TMEM14A: variants seen among roughly 807,000 people sequenced by gnomAD.
TMEM14A encodes transmembrane protein 14A.
TMEM14A carries 8 observed loss-of-function variants against 11.6 expected under a neutral mutation model. That is an observed-to-expected ratio of 0.69 (90% CI 0.40 to 1.24). TMEM14A has a LOEUF of 1.24. TMEM14A is among the 50% of genes most tolerant of loss of function. The pLI is 0.01. For synonymous variants in TMEM14A, 34 were observed against 45.5 expected, an observed-to-expected ratio of 0.75 and a Z score of 1.02; for missense variants, 108 against 121.9, an observed-to-expected ratio of 0.89 and a Z score of 0.54.
chr6:52,681,925 C>A lies in TMEM14A; in HGVS notation c.172+11C>A. ...TAAAAGTGTCACTGTGTAAGTAAGGCATTTTTCCTGGTTACAGAGACTCAA... is the reference window on the plus strand; with the variant it reads ...TAAAAGTGTCACTGTGTAAGTAAGGAATTTTTCCTGGTTACAGAGACTCAA... On this transcript the variant is annotated intron_variant, in intron 3 of 4. Transcript: ENST00000211314. 6.2e-7 allele frequency: 1 copy of A among 1,608,814 alleles called. No homozygotes were observed. The highest frequency in any genetic ancestry group is 8.5e-7 in the Non-Finnish European group (1 of 1,175,484).
intron 2 of TMEM14A, among the ~76,000 whole-genome samples, chr6:52,680,691 G>GTGTATA (rs758417981): frequency 1.1e-4 from 4 of 35,332 alleles, no homozygotes; most frequent in Admixed American, 2.9e-4. Context: ...ATACATATAT[G>GTGTATA]TATATATATA....
chr6:52,681,375 T>G (rs1769389603), intron 2 of TMEM14A, among the ~76,000 whole-genome samples: 1 of 152,204 alleles, frequency 6.6e-6, no homozygotes, highest in Non-Finnish European at 1.5e-5. Context: ...GTATAGCACT[T>G]CTGTCTTTAC....
chr6:52,684,658 A>G (rs1483587976), intron 4 of TMEM14A, among the ~76,000 whole-genome samples: 1 of 152,242 alleles, frequency 6.6e-6, no homozygotes, highest in Non-Finnish European at 1.5e-5. Context: ...TTGATCCAGT[A>G]ATTCTATCCA....
At chr6:52,680,593 T>TATATATATATA (rs1561874928) in intron 2 of TMEM14A, among the ~76,000 whole-genome samples, 1,506 of 96,416 alleles carry the variant, frequency 0.016, 62 homozygotes, top group Middle Eastern at 0.027. Context: ...ATTTATATAT[T>TATATATATATA]TATATATATA....
intron 2 of TMEM14A, among the ~76,000 whole-genome samples, chr6:52,677,806 G>GT (rs1769287469): frequency 2.0e-5 from 3 of 152,110 alleles, no homozygotes; most frequent in South Asian, 2.1e-4. Flanking sequence ...TTTAAATGAA[G>GT]TTTTTTATTT....
intron 2 of TMEM14A, among the ~76,000 whole-genome samples, chr6:52,678,471 T>C (rs1184422278): frequency 1.3e-5 from 2 of 152,154 alleles, no homozygotes; most frequent in African/African-American, 4.8e-5. Flanking sequence ...TTTCAAGGGC[T>C]TGTTGTCCAC....
chr6:52,683,485 A>ACAAC (rs199587577), intron 3 of TMEM14A, among the ~76,000 whole-genome samples: 5,039 of 86,672 alleles, frequency 0.058, 128 homozygotes, highest in African/African-American at 0.11. Flanking sequence ...AACAACAACA[A>ACAAC]AAAAAAAAAA....
chr6:52,681,819 T>G lies in TMEM14A; in HGVS notation c.77T>G (p.Val26Gly), dbSNP rs759852395. Reference sequence around the variant, plus strand: ...TATTTTTTTCCCCTTCCAGGTGGTGTTCCGTCTTTGATTGCTGGTCTTTTT... The same window carrying G: ...TATTTTTTTCCCCTTCCAGGTGGTGGTCCGTCTTTGATTGCTGGTCTTTTT... ...SIFGYKRRGGVPSLIAGLFVG... is the reference protein window; with the variant it reads ...SIFGYKRRGGGPSLIAGLFVG... The change falls in exon 3 of 5, where the codon GTT becomes GGT. Residue 26 changes from valine to glycine, a missense_variant. Coordinates refer to ENST00000211314, the MANE Select transcript of TMEM14A (RefSeq NM_014051.4). 1.2e-5 allele frequency: 19 copies of G among 1,614,090 alleles called. No homozygotes were observed. The highest frequency in any genetic ancestry group is 5.5e-5 in the South Asian group (5 of 91,068).
intron 2 of TMEM14A, among the ~76,000 whole-genome samples, chr6:52,677,846 G>A (rs1041618875): frequency 6.6e-6 from 1 of 152,118 alleles, no homozygotes; most frequent in Non-Finnish European, 1.5e-5. Flanking sequence ...GGCAGTGGTT[G>A]ACTTGAATTT....
In TMEM14A at chr6:52,686,140, TGGAATGC is replaced by T; in HGVS notation, c.*92_*98del. 7.8e-7 allele frequency: 1 copy of T among 1,285,754 alleles called. No individual in the cohort carries two copies. Among genetic ancestry groups the T allele is most frequent in the Non-Finnish European group, 1.1e-6 (1 of 928,212 alleles). The allele number at this position is 1,285,754 out of a possible 1,614,324, so 79.6% of individuals were successfully genotyped here. A position where few individuals can be genotyped will look rare whatever the true frequency, so the allele number is the denominator to read the frequency against. On this transcript the variant is annotated 3_prime_UTR_variant, in exon 5 of 5. Coordinates refer to ENST00000211314, the MANE Select transcript of TMEM14A (RefSeq NM_014051.4). ...TGTATTTAAAAGATAAACTTCAATA[TGGAATGC>T]TAGAAACACAAATAGCACTGTCACC...
chr6:52,681,780 T>C (rs1238701713), intron 2 of TMEM14A, 33 bp from the exon 3 acceptor site: 2 of 1,565,732 alleles, frequency 1.3e-6, no homozygotes, highest in Middle Eastern at 1.7e-4. Flanking sequence ...TTTGGGATTC[T>C]CTTTGTGATC....
chr6:52,683,672 C>T (rs1381321935), intron 3 of TMEM14A, among the ~76,000 whole-genome samples: 4 of 151,426 alleles, frequency 2.6e-5, no homozygotes, highest in Non-Finnish European at 4.4e-5. Context: ...AGTGCAGTGG[C>T]GTGATCTCAG....
intron 3 of TMEM14A, among the ~76,000 whole-genome samples, chr6:52,683,548 A>C (rs1304633176): frequency 1.3e-4 from 20 of 152,038 alleles, no homozygotes; most frequent in Admixed American, 1.3e-3. Context: ...ATGGATTTTA[A>C]CATGTTTGTT....
chr6:52,683,449 G>A, intron 3 of TMEM14A, among the ~76,000 whole-genome samples: 1 of 144,086 alleles, frequency 6.9e-6, no homozygotes. Context: ...GACAGAGCAA[G>A]ACTCTGTCTC....
intron 1 of TMEM14A, among the ~76,000 whole-genome samples, chr6:52,674,575 A>G (rs1769220290): frequency 6.6e-6 from 1 of 152,248 alleles, no homozygotes; most frequent in African/African-American, 2.4e-5. Context: ...AGAATGCCTT[A>G]GAATGGCACC....
intron 3 of TMEM14A, among the ~76,000 whole-genome samples, chr6:52,683,022 T>A (rs181990018): frequency 2.0e-4 from 31 of 152,364 alleles, no homozygotes; most frequent in African/African-American, 7.2e-4. Context: ...ATACATTAAC[T>A]ATTTTCTTTA....
Position 52,680,704 on chromosome 6 carries a change from T to C in TMEM14A, c.71-1109T>C, listed in dbSNP as rs77932372. ...ATATACATATATGTATATATATATA[T>C]ACACATATATATATGGCATGGATGA... On this transcript the variant is annotated intron_variant, in intron 2 of 4. Transcript: ENST00000211314. Among the ~76,000 whole-genome samples the C allele has an allele frequency of 7.9e-3, 403 of 50,986 alleles. 33 individuals are homozygous for C. Among genetic ancestry groups the C allele is most frequent in the South Asian group, 0.015 (18 of 1,218 alleles). The allele number at this position is 50,986 out of a possible 152,430, so 33.4% of individuals were successfully genotyped here.
intron 2 of TMEM14A, among the ~76,000 whole-genome samples, chr6:52,680,593 T>TATATATATATATATATATATGTATATATA (rs1561874928): frequency 1.0e-5 from 1 of 96,516 alleles, no homozygotes; most frequent in Non-Finnish European, 2.1e-5. Context: ...ATTTATATAT[T>TATATATATATATATATATATGTATATATA]TATATATATA....
At chr6:52,678,376 G>T (rs1230342927) in intron 2 of TMEM14A, among the ~76,000 whole-genome samples, 1 of 147,204 alleles carries the variant, frequency 6.8e-6, no homozygotes, top group Admixed American at 6.8e-5. Context: ...TGTGTGGAAG[G>T]AATCATTTTA....
Sources: gnomAD v4.1 joint callset for allele counts (sites outside exome capture counted in the v4.1 genomes callset) on GRCh38, gnomAD v4.1.1 for gene constraint, MANE v1.5 for transcripts, NCBI Gene and HGNC (gene_info 2026-07-23, HGNC 2026-07-21) for gene names.